The following GHR variants were observed in gnomAD, a reference collection of about 807,000 sequenced individuals.
The protein encoded by GHR is GH receptor.
Under a neutral mutation model 67.1 loss-of-function variants are expected in GHR, and 35 were observed. That is an observed-to-expected ratio of 0.52 (90% CI 0.40 to 0.69). The LOEUF (loss-of-function observed/expected upper bound fraction) is 0.69. Ranked by LOEUF, GHR falls within the 30% of genes least tolerant of loss-of-function variation. The pLI is 0.00. For missense variants in GHR, 792 were observed against 764.6 expected, an observed-to-expected ratio of 1.04 and a Z score of -0.42; for synonymous variants, 272 against 269.1, an observed-to-expected ratio of 1.01 and a Z score of -0.10.
intron 2 of GHR, among the ~76,000 whole-genome samples, chr5:42,566,210 T>G (rs990949036): frequency 2.6e-5 from 4 of 152,160 alleles, no homozygotes; most frequent in African/African-American, 9.7e-5. Flanking sequence ...ACATTTATGT[T>G]GAAGACAAGC....
At chr5:42,431,610 A>C (rs1035889174) in intron 1 of GHR, among the ~76,000 whole-genome samples, 2 of 152,190 alleles carry the variant, frequency 1.3e-5, no homozygotes, top group African/African-American at 4.8e-5. Context: ...TCAAACTTCC[A>C]GATGTGTTTA....
intron 3 of GHR, among the ~76,000 whole-genome samples, chr5:42,654,854 G>C (rs1405294692): frequency 2.0e-5 from 3 of 152,120 alleles, no homozygotes; most frequent in African/African-American, 7.2e-5. Flanking sequence ...TGCAGACTAT[G>C]ATTGCAGCCT....
intron 1 of GHR, among the ~76,000 whole-genome samples, chr5:42,478,963 C>T (rs995290681): frequency 1.3e-5 from 2 of 151,990 alleles, no homozygotes; most frequent in African/African-American, 4.8e-5. Context: ...GTTTTGTGCC[C>T]GTTTTCAAAG....
intron 1 of GHR, chr5:42,465,612 A>T: frequency 9.3e-7 from 1 of 1,077,708 alleles, no homozygotes; most frequent in Non-Finnish European, 1.4e-6. Flanking sequence ...TATTTGGGGG[A>T]CTCTGTTAAT....
intron 1 of GHR, among the ~76,000 whole-genome samples, chr5:42,546,068 A>G (rs1042362297): frequency 6.6e-6 from 1 of 152,208 alleles, no homozygotes; most frequent in African/African-American, 2.4e-5. Flanking sequence ...AAGCTCATGA[A>G]AAAGCCATAT....
At chr5:42,479,849 T>C (rs1298789850) in intron 1 of GHR, among the ~76,000 whole-genome samples, 1 of 152,220 alleles carries the variant, frequency 6.6e-6, no homozygotes, top group Non-Finnish European at 1.5e-5. Context: ...CCTGGATTCA[T>C]TAATTTTTTT....
chr5:42,521,535 C>A (rs1391778067), intron 1 of GHR, among the ~76,000 whole-genome samples: 2 of 151,388 alleles, frequency 1.3e-5, no homozygotes, highest in East Asian at 3.9e-4. Context: ...ACTCATGCTG[C>A]AGATCTTCTC....
At position 42,498,205 on chromosome 5, in the gene GHR, C is replaced by T. The variant is rs543962776; in HGVS notation, c.-11-67659C>T. ...GGGAATCTCTTTCATATGCCTAGAG[C>T]CTTGTTTACTCAGTTCAGGTCTGTA... On this transcript the variant is annotated intron_variant, in intron 1 of 9. Coordinates refer to ENST00000230882, the MANE Select transcript of GHR (RefSeq NM_000163.5). 2.2e-3 allele frequency among the ~76,000 whole-genome samples: 334 copies of T among 152,284 alleles called. 1 individual carries two copies. The highest frequency in any genetic ancestry group is 7.9e-3 in the African/African-American group (327 of 41,560).
intron 1 of GHR, among the ~76,000 whole-genome samples, chr5:42,485,536 G>T (rs1300750546): frequency 6.6e-6 from 1 of 152,188 alleles, no homozygotes; most frequent in Non-Finnish European, 1.5e-5. Context: ...ACTTGCCCAA[G>T]GCTACCCAGT....
At chr5:42,603,027 AG>A (rs1327525491) in intron 2 of GHR, among the ~76,000 whole-genome samples, 1 of 152,118 alleles carries the variant, frequency 6.6e-6, no homozygotes, top group African/African-American at 2.4e-5. Flanking sequence ...ATTTCTTATA[AG>A]GCAAATCTAG....
At chr5:42,438,472 G>A (rs185076193) in intron 1 of GHR, among the ~76,000 whole-genome samples, 2 of 152,326 alleles carry the variant, frequency 1.3e-5, no homozygotes, top group Non-Finnish European at 2.9e-5. Flanking sequence ...TAAAGTGGAA[G>A]TGAAGATGTG....
At chr5:42,576,064 TAAA>T (rs1232006506) in intron 2 of GHR, among the ~76,000 whole-genome samples, 2 of 66,242 alleles carry the variant, frequency 3.0e-5, no homozygotes, top group African/African-American at 1.7e-4. Context: ...TAAAATAAAA[TAAA>T]ATAAAATAAA....
At chr5:42,595,526 C>G (rs192471210) in intron 2 of GHR, among the ~76,000 whole-genome samples, 285 of 152,316 alleles carry the variant, frequency 1.9e-3, no homozygotes, top group African/African-American at 6.6e-3. Context: ...TTTCTCAGGT[C>G]TCACTTTTCC....
At chr5:42,546,569 T>C (rs1748741022) in intron 1 of GHR, among the ~76,000 whole-genome samples, 1 of 152,192 alleles carries the variant, frequency 6.6e-6, no homozygotes, top group Non-Finnish European at 1.5e-5. Flanking sequence ...TATTACTAAC[T>C]GAAAATGGGA....
intron 1 of GHR, among the ~76,000 whole-genome samples, chr5:42,457,595 T>G (rs1436030574): frequency 6.6e-6 from 1 of 152,216 alleles, no homozygotes; most frequent in Non-Finnish European, 1.5e-5. Flanking sequence ...TGAGATACAT[T>G]AACCTGTATA....
intron 2 of GHR, among the ~76,000 whole-genome samples, chr5:42,627,484 A>G (rs35389780): frequency 0.016 from 2,455 of 152,356 alleles, 102 homozygotes; most frequent in East Asian, 0.14. Flanking sequence ...ATGCCATAAC[A>G]GGTGTTAGCA....
chr5:42,477,979 A>T (rs1423025270), intron 1 of GHR, among the ~76,000 whole-genome samples: 1 of 151,612 alleles, frequency 6.6e-6, no homozygotes, highest in Non-Finnish European at 1.5e-5. Flanking sequence ...CCTGAATGGT[A>T]TTGCCTCGGT....
chr5:42,448,336 T>C (rs1341950352), intron 1 of GHR, among the ~76,000 whole-genome samples: 2 of 152,122 alleles, frequency 1.3e-5, no homozygotes, highest in Non-Finnish European at 2.9e-5. Flanking sequence ...TGCATTTTCC[T>C]GATAATTAGT....
At chr5:42,622,913 A>C (rs747208982) in intron 2 of GHR, among the ~76,000 whole-genome samples, 5 of 152,168 alleles carry the variant, frequency 3.3e-5, no homozygotes, top group Non-Finnish European at 7.3e-5. Context: ...GCCTACATGC[A>C]GCCTGCACCA....
Sources: gnomAD v4.1 joint callset for allele counts (sites outside exome capture counted in the v4.1 genomes callset) on GRCh38, gnomAD v4.1.1 for gene constraint, MANE v1.5 for transcripts, NCBI Gene and HGNC (gene_info 2026-07-23, HGNC 2026-07-21) for gene names.